The following UTRN variants were observed in gnomAD, a reference collection of about 807,000 sequenced individuals.
The protein encoded by UTRN is utrophin.
A neutral mutation model predicts 463.9 loss-of-function variants in UTRN; 283 were observed. The observed-to-expected ratio is 0.61, with a 90% confidence interval of 0.55 to 0.67. The LOEUF (loss-of-function observed/expected upper bound fraction) is 0.67. Among genes scored for constraint, UTRN ranks in the 30% least tolerant of loss-of-function variants. UTRN has a pLI of 0.00. For synonymous variants in UTRN, 1,442 were observed against 1,431.5 expected (o/e 1.01, Z -0.17); for missense variants, 3,922 against 4,084.3 (o/e 0.96, Z 1.08).
At chr6:144,340,736 A>G (rs7755110) in intron 2 of UTRN, among the ~76,000 whole-genome samples, 2,353 of 152,344 alleles carry the variant, frequency 0.015, 66 homozygotes, top group African/African-American at 0.054. Flanking sequence ...TAAATGGTCT[A>G]TTGATTTCAC....
At chr6:144,402,306 G>A (rs1306031073) in intron 2 of UTRN, among the ~76,000 whole-genome samples, 3 of 152,174 alleles carry the variant, frequency 2.0e-5, no homozygotes, top group Non-Finnish European at 4.4e-5. Flanking sequence ...GAAAAGCGAT[G>A]TTATAATGAC....
chr6:144,565,385 A>T (rs143634496), intron 50 of UTRN, among the ~76,000 whole-genome samples: 2 of 152,328 alleles, frequency 1.3e-5, no homozygotes, highest in Admixed American at 1.3e-4. Context: ...TCAGATATGA[A>T]TTGAGAGTTC....
At chr6:144,800,645 G>A (rs2128746351) in intron 64 of UTRN, among the ~76,000 whole-genome samples, 1 of 152,260 alleles carries the variant, frequency 6.6e-6, no homozygotes, top group African/African-American at 2.4e-5. Flanking sequence ...TTCTATGAGT[G>A]TTTCCTCATA....
intron 2 of UTRN, among the ~76,000 whole-genome samples, chr6:144,392,695 T>C (rs369707047): frequency 6.6e-6 from 1 of 152,220 alleles, no homozygotes; most frequent in South Asian, 2.1e-4. Flanking sequence ...TGTGAGCCTC[T>C]AGTGTGGTTT....
intron 1 of UTRN, among the ~76,000 whole-genome samples, chr6:144,288,448 C>T (rs555368176): frequency 6.6e-6 from 1 of 152,272 alleles, no homozygotes; most frequent in African/African-American, 2.4e-5. Flanking sequence ...ACTTACTGCT[C>T]CAAAGTGATA....
chr6:144,622,125 A>G (rs897868270), intron 51 of UTRN, among the ~76,000 whole-genome samples: 1 of 151,428 alleles, frequency 6.6e-6, no homozygotes, highest in Non-Finnish European at 1.5e-5. Context: ...TACTCTTCTC[A>G]AATATACCAT....
chr6:144,575,582 C>T (rs974155773), intron 50 of UTRN, among the ~76,000 whole-genome samples: 5 of 152,088 alleles, frequency 3.3e-5, no homozygotes, highest in South Asian at 4.1e-4. Context: ...ATCACATTGA[C>T]GGAAGTTTTA....
intron 65 of UTRN, among the ~76,000 whole-genome samples, chr6:144,818,854 CT>C (rs766383323): frequency 1.3e-5 from 2 of 150,110 alleles, no homozygotes; most frequent in Non-Finnish European, 3.0e-5. Context: ...TATTGCTTCT[CT>C]AAAAGTTTCC....
intron 54 of UTRN, among the ~76,000 whole-genome samples, chr6:144,746,292 C>T (rs998773998): frequency 2.0e-5 from 3 of 151,832 alleles, no homozygotes; most frequent in African/African-American, 7.3e-5. Flanking sequence ...CGTGAGCTAC[C>T]GCACCCAGCC....
In UTRN at chr6:144,291,739, A is replaced by T; in HGVS notation, c.-90A>T. 1 of 1,052,336 alleles carries T rather than the reference A, an allele frequency of 9.5e-7. No homozygotes were observed. Among genetic ancestry groups the T allele is most frequent in the Non-Finnish European group, 1.4e-6 (1 of 730,956 alleles). 65.2% of individuals were successfully genotyped at this position (1,052,336 alleles called of 1,614,324 possible). A position where few individuals can be genotyped will look rare whatever the true frequency, so the allele number is the denominator to read the frequency against. On this transcript the variant is annotated splice_region_variant and 5_prime_UTR_variant, in exon 2 of 75. Coordinates refer to ENST00000367545, the MANE Select transcript of UTRN (RefSeq NM_007124.3). ...AGTACTTTCCCTTTTCCTTTTAGGT[A>T]TTGATGTCAAGCTGAACCATCGTAG...
At chr6:144,732,239 C>CATAT (rs71810800) in intron 54 of UTRN, among the ~76,000 whole-genome samples, 31 of 116,046 alleles carry the variant, frequency 2.7e-4, no homozygotes, top group Admixed American at 5.1e-4. Flanking sequence ...TATATATATA[C>CATAT]ATATATATAT....
intron 73 of UTRN, among the ~76,000 whole-genome samples, chr6:144,841,286 G>T (rs979336172): frequency 1.3e-5 from 2 of 152,072 alleles, no homozygotes; most frequent in African/African-American, 4.8e-5. Flanking sequence ...GTGCAGAAAG[G>T]GATTGTTTTC....
At chr6:144,633,174 A>G (rs547255487) in intron 51 of UTRN, among the ~76,000 whole-genome samples, 6 of 151,866 alleles carry the variant, frequency 4.0e-5, no homozygotes, top group Non-Finnish European at 8.8e-5. Flanking sequence ...ATTCCGTCAG[A>G]TAGTACATTT....
chr6:144,664,567 A>G (rs1031083164), intron 51 of UTRN, among the ~76,000 whole-genome samples: 5 of 149,742 alleles, frequency 3.3e-5, no homozygotes, highest in African/African-American at 1.2e-4. Flanking sequence ...AGTCTTACCT[A>G]TATTTATCAT....
chr6:144,349,281 T>G (rs1021786106), intron 2 of UTRN, among the ~76,000 whole-genome samples: 1 of 152,174 alleles, frequency 6.6e-6, no homozygotes, highest in African/African-American at 2.4e-5. Flanking sequence ...GTGCTGGGAT[T>G]ACAGGCATGA....
At chr6:144,563,632 T>A (rs1800127221) in intron 50 of UTRN, among the ~76,000 whole-genome samples, 1 of 152,182 alleles carries the variant, frequency 6.6e-6, no homozygotes, top group Non-Finnish European at 1.5e-5. Flanking sequence ...GAAGCTTACT[T>A]CTTTCCCTGA....
At chr6:144,585,996 A>G (rs1424198098) in intron 51 of UTRN, among the ~76,000 whole-genome samples, 1 of 151,988 alleles carries the variant, frequency 6.6e-6, no homozygotes, top group East Asian at 1.9e-4. Flanking sequence ...GTGTCTGAAT[A>G]TTTTTATCTT....
rs1345747578 is a variant in UTRN at position 144,785,371 on chromosome 6, T to C, written c.8834+3248T>C. The stretch of plus-strand genomic sequence containing the variant: ...TTCTCAAAGTAGAAGGATTTGGGGA[T>C]CTTTAATTCTGCCCTTTTCTCTTTA... On this transcript the variant is annotated intron_variant, in intron 61 of 74. Transcript: ENST00000367545. Among the ~76,000 whole-genome samples the C allele has an allele frequency of 2.6e-5, 4 of 152,344 alleles. No homozygotes were observed. In the South Asian group the frequency reaches 6.2e-4, roughly 24 times the overall value.
rs769836030 is a variant in UTRN, at chr6:144,291,114, T to C, written c.-92-623T>C. 3.3e-5 allele frequency among the ~76,000 whole-genome samples: 5 copies of C among 152,106 alleles called. No homozygotes were observed. In the East Asian group the frequency reaches 9.6e-4, roughly 29 times the overall value. On this transcript the variant is annotated intron_variant, in intron 1 of 74. Transcript: ENST00000367545. ...AAAAGGCCAATTTGACCATGTTGGTTCCCTCCTTCGAACCATCTACTGGCT... is the reference window on the plus strand; with the variant it reads ...AAAAGGCCAATTTGACCATGTTGGTCCCCTCCTTCGAACCATCTACTGGCT...
Sources: allele counts gnomAD v4.1 joint callset (sites outside exome capture counted in the v4.1 genomes callset), GRCh38; gene constraint gnomAD v4.1.1; transcripts MANE v1.5; gene names NCBI Gene and HGNC (gene_info 2026-07-23, HGNC 2026-07-21).